The following SEMA4A variants were observed in gnomAD, a reference collection of about 807,000 sequenced individuals.
SEMA4A encodes semaphorin-4A.
In SEMA4A, 52 loss-of-function variants were observed where a neutral mutation model predicts 72.5. That is an observed-to-expected ratio of 0.72 (90% CI 0.57 to 0.90). SEMA4A has a LOEUF of 0.90. Ranked by LOEUF, SEMA4A falls within the 40% of genes least tolerant of loss-of-function variation. The pLI is 0.00. For synonymous variants in SEMA4A, 369 were observed against 393.1 expected (o/e 0.94, Z 0.73); for missense variants, 926 against 959.7 (o/e 0.96, Z 0.46).
chr1:156,160,660 T>C, intron 7 of SEMA4A, 101 bp downstream of exon 7: 2 of 1,122,600 alleles, frequency 1.8e-6, no homozygotes, highest in Non-Finnish European at 2.7e-6. Context: ...CCATTACTGT[T>C]AGGCGCAGGG....
chr1:156,177,709 G>A lies in SEMA4A; in HGVS notation c.*712G>A, dbSNP rs1296823278. ...TTGGGATTCAGAAAACTGCTTGTCA[G>A]AGACTGTTTATTTTTTATTAAAAAT... On this transcript the variant is annotated 3_prime_UTR_variant, in exon 15 of 15. Transcript: ENST00000368285. The A allele has an allele frequency of 3.2e-5, 5 of 155,128 alleles. No homozygotes were observed. The allele number at this position is 155,128 out of a possible 1,614,324, so 9.6% of individuals were successfully genotyped here. A position where few individuals can be genotyped will look rare whatever the true frequency, so the allele number is the denominator to read the frequency against.
chr1:156,168,176 G>T (rs1654364657), intron 10 of SEMA4A, among the ~76,000 whole-genome samples: 2 of 151,568 alleles, frequency 1.3e-5, no homozygotes, highest in Admixed American at 1.3e-4. Context: ...CACCCGCCTC[G>T]GCCTCCCAAA....
intron 10 of SEMA4A, among the ~76,000 whole-genome samples, chr1:156,169,051 C>T (rs1409566130): frequency 1.3e-5 from 2 of 152,210 alleles, no homozygotes; most frequent in African/African-American, 4.8e-5. Flanking sequence ...GATAAACCTC[C>T]AGTCTTGGGC....
At chr1:156,167,475 C>CAAAAAAAAAAAAAAAAAAAA (rs58793729) in intron 10 of SEMA4A, among the ~76,000 whole-genome samples, 3 of 103,626 alleles carry the variant, frequency 2.9e-5, no homozygotes, top group Non-Finnish European at 5.9e-5. Flanking sequence ...GACCCTGTCT[C>CAAAAAAAAAAAAAAAAAAAA]AAAAAAAAAA....
intron 2 of SEMA4A, 39 bp from the exon 3 acceptor site, chr1:156,156,375 C>G: frequency 1.2e-6 from 2 of 1,607,142 alleles, no homozygotes; most frequent in Non-Finnish European, 1.7e-6. Flanking sequence ...GCCTGCCCAC[C>G]AAGTCCTCAT....
At chr1:156,161,584 T>TGA in intron 9 of SEMA4A, 66 bp downstream of exon 9, 1 of 1,574,214 alleles carries the variant, frequency 6.4e-7, no homozygotes, top group South Asian at 1.1e-5. Flanking sequence ...CCCCAGCTCG[T>TGA]GAGCGGAGGC....
At position 156,158,386 on chromosome 1, in the gene SEMA4A, A is replaced by C; in HGVS notation, c.364-2A>C. 6.2e-7 allele frequency: 1 copy of C among 1,611,222 alleles called. No individual in the cohort carries two copies. Among genetic ancestry groups the C allele is most frequent in the Non-Finnish European group, 8.5e-7 (1 of 1,177,336 alleles). On this transcript the variant is annotated splice_acceptor_variant, in intron 4 of 14. Transcript: ENST00000368285. LOFTEE classifies it high-confidence loss of function. The stretch of plus-strand genomic sequence containing the variant: ...GAGACCTAAATTCTCTGTCTCCCTC[A>C]GACACAGTGTTTCAACTTCATCCGT...
At chr1:156,149,216 T>C (rs989976319), upstream of SEMA4A, among the ~76,000 whole-genome samples, 2 of 152,172 alleles carry the variant, frequency 1.3e-5, no homozygotes, top group African/African-American at 4.8e-5. Flanking sequence ...GGCACAGGCT[T>C]GGCTCTCAAA....
chr1:156,172,108 AT>A (rs2102998643), intron 10 of SEMA4A, among the ~76,000 whole-genome samples: 1 of 141,478 alleles, frequency 7.1e-6, no homozygotes, highest in East Asian at 2.1e-4. Context: ...TTATTTATTT[AT>A]TTATTTATTT....
intron 10 of SEMA4A, among the ~76,000 whole-genome samples, chr1:156,166,939 A>G (rs77283064): frequency 6.9e-6 from 1 of 144,086 alleles, no homozygotes; most frequent in Non-Finnish European, 1.5e-5. Flanking sequence ...AAAAAAAAAA[A>G]GAAAGGAAAG....
intron 1 of SEMA4A, 177 bp from the exon 2 acceptor site, chr1:156,154,373 G>T: frequency 1.6e-6 from 1 of 618,068 alleles, no homozygotes; most frequent in Non-Finnish European, 2.9e-6. Context: ...GGCCTGGAAG[G>T]ATGATGAAAG....
intron 10 of SEMA4A, among the ~76,000 whole-genome samples, chr1:156,169,249 G>A (rs1401912858): frequency 6.6e-6 from 1 of 151,996 alleles, no homozygotes; most frequent in Non-Finnish European, 1.5e-5. Flanking sequence ...GCTTCCTCCA[G>A]GGCTGGCTTG....
In SEMA4A at chr1:156,177,197, C is replaced by T; in HGVS notation, c.*200C>T. On this transcript the variant is annotated 3_prime_UTR_variant, in exon 15 of 15. Transcript: ENST00000368285. ...GCCTCCCCTATGGGACTCCCTTCTA[C>T]CAAGCACATGAGCTCTCTAACAGGG... is the stretch of plus-strand genomic sequence containing the variant. The T allele has an allele frequency of 1.5e-6, 1 of 651,752 alleles. No individual in the cohort carries two copies. Among genetic ancestry groups the T allele is most frequent in the Non-Finnish European group, 2.8e-6 (1 of 361,646 alleles). 40.4% of individuals were successfully genotyped at this position (651,752 alleles called of 1,614,324 possible).
chr1:156,173,539 AG>A (rs1185282826), intron 11 of SEMA4A, among the ~76,000 whole-genome samples: 7 of 152,074 alleles, frequency 4.6e-5, no homozygotes, highest in Non-Finnish European at 5.9e-5. Flanking sequence ...GATAAGTGGC[AG>A]GTAAAGTTGT....
Position 156,158,709 on chromosome 1 carries a change from C to T in SEMA4A, c.463-10C>T. 6.2e-7 allele frequency: 1 copy of T among 1,607,688 alleles called. No individual in the cohort carries two copies. The highest frequency in any genetic ancestry group is 8.5e-7 in the Non-Finnish European group (1 of 1,174,154). ...GGCGTTCTGGCCCCCCAGCCTCTCT[C>T]CCCATTTAGGAACTTCAAGATTCCT... On this transcript the variant is annotated splice_polypyrimidine_tract_variant and intron_variant, in intron 5 of 14. Coordinates refer to ENST00000368285, the MANE Select transcript of SEMA4A (RefSeq NM_022367.4).
At chr1:156,163,720 CAAAAAAAAAAAAAA>C (rs34408918) in intron 10 of SEMA4A, among the ~76,000 whole-genome samples, 5 of 17,754 alleles carry the variant, frequency 2.8e-4, no homozygotes, top group African/African-American at 4.5e-4. Flanking sequence ...GACTCAGTCT[CAAAAAAAAAAAAAA>C]AAAAAAAAAA....
rs773774359 is a variant in SEMA4A at position 156,160,905 on chromosome 1, A to G, written c.686A>G (p.His229Arg). Residue 229 changes from histidine (H) to arginine (R), a missense_variant and splice_region_variant, in exon 8 of 15, where the codon CAT becomes CGT. His to Arg is a conservative substitution (Grantham distance 29). Coordinates refer to ENST00000368285, the MANE Select transcript of SEMA4A (RefSeq NM_022367.4). ...KTDNFLRWLHHDASFVAAIPS... is the reference protein window; with the variant it reads ...KTDNFLRWLHRDASFVAAIPS... The stretch of plus-strand genomic sequence containing the variant: ...AAGCCCATCTGCCCCTCCCCCGCAG[A>G]TGACGCCTCCTTTGTGGCAGCCATC... The G allele has an allele frequency of 1.4e-5, 22 of 1,613,390 alleles. No individual in the cohort carries two copies. Among genetic ancestry groups the G allele is most frequent in the African/African-American group, 6.7e-5 (5 of 74,750 alleles).
chr1:156,160,961 G>T lies in SEMA4A; in HGVS notation c.742G>T (p.Glu248Ter). ...PSTQVVYFFFEETASEFDFFE... is the reference protein window; with the variant it reads ...PSTQVVYFFF ...GACCCAGGTCGTCTACTTCTTCTTC[G>T]AGGAGACAGCCAGCGAGTTTGACTT... Residue 248 changes from glutamate to a stop codon, truncating the protein, a stop_gained, in exon 8 of 15, where the codon GAG (glutamate) becomes TAG (stop). Coordinates refer to ENST00000368285, the MANE Select transcript of SEMA4A (RefSeq NM_022367.4). LOFTEE classifies it high-confidence loss of function. 6.2e-7 allele frequency: 1 copy of T among 1,613,104 alleles called. No individual in the cohort carries two copies. Among genetic ancestry groups the T allele is most frequent in the Non-Finnish European group, 8.5e-7 (1 of 1,179,810 alleles).
chr1:156,171,751 A>AT (rs933944672), intron 10 of SEMA4A, among the ~76,000 whole-genome samples: 2 of 148,396 alleles, frequency 1.3e-5, no homozygotes, highest in African/African-American at 2.5e-5. Context: ...TAATTTTTGT[A>AT]TTTTTTAATT....
Sources: allele counts gnomAD v4.1 joint callset (sites outside exome capture counted in the v4.1 genomes callset), GRCh38; gene constraint gnomAD v4.1.1; transcripts MANE v1.5; gene names NCBI Gene and HGNC (gene_info 2026-07-23, HGNC 2026-07-21).